Variants in THRB observed in about 807,000 individuals in gnomAD.
THRB encodes nuclear receptor subfamily 1 group A member 2.
A neutral mutation model predicts 47.8 loss-of-function variants in THRB; 12 were observed. The observed-to-expected ratio is 0.25, with a 90% CI of 0.16 to 0.41. The LOEUF (loss-of-function observed/expected upper bound fraction) is 0.41, where lower values mean the gene tolerates loss of function less well. Among genes scored for constraint, THRB ranks in the 10% least tolerant of loss-of-function variants. The probability of loss-of-function intolerance (pLI) is 1.00; values close to 1 mark genes in which losing one functional copy is unlikely to be tolerated. For missense variants in THRB, 348 were observed against 589.2 expected, an observed-to-expected ratio of 0.59 and a Z score of 4.24; for synonymous variants, 218 against 212.2, an observed-to-expected ratio of 1.03 and a Z score of -0.24.
At chr3:24,383,218 G>GACAAACAA (rs57022667) in intron 1 of THRB, among the ~76,000 whole-genome samples, 172 of 151,962 alleles carry the variant, frequency 1.1e-3, no homozygotes, top group African/African-American at 4.1e-3. Flanking sequence ...CGGCTCAGAA[G>GACAAACAA]ACAAACAAAC....
At position 24,248,053 on chromosome 3, in the gene THRB, T is replaced by C. The variant is rs373453188; in HGVS notation, c.-42-19052A>G. Among the ~76,000 whole-genome samples the C allele has an allele frequency of 1.1e-4, 16 of 152,256 alleles. No homozygotes were observed. In the East Asian group the frequency reaches 3.1e-3, roughly 29 times the overall value. On this transcript the variant is annotated intron_variant, in intron 3 of 10. Coordinates refer to ENST00000646209, the MANE Select transcript of THRB (RefSeq NM_001354712.2). ...TTAAGTGGCAGGAAAACCTTTCTTT[T>C]TGGATATGAGACATTTCTGAGTTCA...
At chr3:24,461,407 T>C (rs2125653529) in intron 1 of THRB, among the ~76,000 whole-genome samples, 1 of 152,346 alleles carries the variant, frequency 6.6e-6, no homozygotes, top group Non-Finnish European at 1.5e-5. Flanking sequence ...ATACTCTCAA[T>C]AAACAGTAGC....
chr3:24,335,002 T>C (rs993106038), intron 2 of THRB, among the ~76,000 whole-genome samples: 4 of 152,196 alleles, frequency 2.6e-5, no homozygotes, highest in African/African-American at 9.6e-5. Flanking sequence ...TGGAAATGGA[T>C]AGAGAAGCCC....
intron 1 of THRB, among the ~76,000 whole-genome samples, chr3:24,366,447 A>G (rs1474962008): frequency 6.6e-6 from 1 of 152,056 alleles, no homozygotes; most frequent in Admixed American, 6.6e-5. Flanking sequence ...ACGGCTGCTG[A>G]TTGCTCTCTT....
rs532726776 is a variant in THRB at position 24,412,845 on chromosome 3, G to C, written c.-260-75474C>G. Among the ~76,000 whole-genome samples, 3 of 151,816 alleles carry C rather than the reference G, an allele frequency of 2.0e-5. No individual in the cohort carries two copies. In the East Asian group the frequency reaches 5.9e-4, roughly 30 times the overall value. On this transcript the variant is annotated intron_variant, in intron 1 of 10. Coordinates refer to ENST00000646209, the MANE Select transcript of THRB (RefSeq NM_001354712.2). The stretch of plus-strand genomic sequence containing the variant: ...TATTTTTAAAAAGCATTAGCCAATA[G>C]ATAATTGGTCAGAGGACACAGAAAA...
intron 1 of THRB, among the ~76,000 whole-genome samples, chr3:24,425,904 G>A (rs990756490): frequency 6.6e-6 from 1 of 151,944 alleles, no homozygotes; most frequent in South Asian, 2.1e-4. Context: ...TATGAGAAAC[G>A]ATAAGTGTAA....
chr3:24,392,625 C>T (rs2066658390), intron 1 of THRB, among the ~76,000 whole-genome samples: 2 of 152,166 alleles, frequency 1.3e-5, no homozygotes, highest in Admixed American at 6.6e-5. Context: ...CCAAGTCCTA[C>T]ACTTCTCAAG....
At chr3:24,132,719 C>T (rs554456467) in intron 9 of THRB, among the ~76,000 whole-genome samples, 1 of 152,294 alleles carries the variant, frequency 6.6e-6, no homozygotes, top group South Asian at 2.1e-4. Context: ...ATGGGACAAG[C>T]AAGAGTGAGC....
chr3:24,203,648 G>A (rs536461459), intron 4 of THRB, among the ~76,000 whole-genome samples: 86 of 152,218 alleles, frequency 5.6e-4, no homozygotes, highest in African/African-American at 1.9e-3. Context: ...GGGGCTTTTC[G>A]GACAGTGGGT....
At position 24,118,814 on chromosome 3, in the gene THRB, A is replaced by C. The variant is rs1157643404; in HGVS notation, c.*4070T>G. 1.3e-5 allele frequency: 2 copies of C among 152,658 alleles called. No homozygotes were observed. Among genetic ancestry groups the C allele is most frequent in the African/African-American group, 4.8e-5 (2 of 41,450 alleles). 9.5% of individuals were successfully genotyped at this position (152,658 alleles called of 1,614,324 possible). ...TGGGTCAGCTTTAACTGTGCAACAG[A>C]AAGCCACAAACAGCGTTTTACCTGC... is the stretch of plus-strand genomic sequence containing the variant. On this transcript the variant is annotated 3_prime_UTR_variant, in exon 11 of 11. Coordinates refer to ENST00000646209, the MANE Select transcript of THRB (RefSeq NM_001354712.2).
chr3:24,453,735 G>A (rs139624743), intron 1 of THRB, among the ~76,000 whole-genome samples: 5 of 152,146 alleles, frequency 3.3e-5, no homozygotes, highest in African/African-American at 7.2e-5. Flanking sequence ...TATGTAAACC[G>A]GCCCCTTCCC....
chr3:24,363,881 T>C (rs938695862), intron 1 of THRB, among the ~76,000 whole-genome samples: 1 of 152,198 alleles, frequency 6.6e-6, no homozygotes, highest in African/African-American at 2.4e-5. Context: ...GTGGCAGTAT[T>C]CTTTCTCTAA....
chr3:24,474,609 G>A (rs1695175354), intron 1 of THRB, among the ~76,000 whole-genome samples: 2 of 152,104 alleles, frequency 1.3e-5, no homozygotes, highest in African/African-American at 4.8e-5. Flanking sequence ...TCCTATGTAA[G>A]GAAAACAAAA....
At chr3:24,471,748 T>C (rs1382000766) in intron 1 of THRB, among the ~76,000 whole-genome samples, 1 of 152,184 alleles carries the variant, frequency 6.6e-6, no homozygotes, top group Non-Finnish European at 1.5e-5. Context: ...CTCATGCATA[T>C]GGTTGTTCAA....
intron 1 of THRB, among the ~76,000 whole-genome samples, chr3:24,372,639 T>C (rs1394417402): frequency 6.6e-6 from 1 of 152,066 alleles, no homozygotes; most frequent in African/African-American, 2.4e-5. Flanking sequence ...CTCATTTCAG[T>C]CAATCCCATT....
At chr3:24,381,857 A>G (rs969018252) in intron 1 of THRB, among the ~76,000 whole-genome samples, 1 of 152,164 alleles carries the variant, frequency 6.6e-6, no homozygotes, top group African/African-American at 2.4e-5. Flanking sequence ...AAAGTCAAGT[A>G]TGATTTACAG....
intron 5 of THRB, among the ~76,000 whole-genome samples, chr3:24,152,960 CA>C (rs746418494): frequency 6.6e-4 from 57 of 86,918 alleles, no homozygotes; most frequent in Non-Finnish European, 1.1e-3. Context: ...GAAATTCTGC[CA>C]AAAAAAAAAA....
At chr3:24,434,621 G>A (rs1277259351) in intron 1 of THRB, among the ~76,000 whole-genome samples, 1 of 152,192 alleles carries the variant, frequency 6.6e-6, no homozygotes, top group Non-Finnish European at 1.5e-5. Flanking sequence ...TTGTGATAGA[G>A]ACTCAGACAG....
intron 2 of THRB, among the ~76,000 whole-genome samples, chr3:24,302,494 T>C (rs1243440696): frequency 2.6e-5 from 4 of 152,228 alleles, no homozygotes; most frequent in Non-Finnish European, 5.9e-5. Flanking sequence ...GTATACCACA[T>C]ACAACCGTGT....
Sources: gnomAD v4.1 joint callset for allele counts (sites outside exome capture counted in the v4.1 genomes callset) on GRCh38, gnomAD v4.1.1 for gene constraint, MANE v1.5 for transcripts, NCBI Gene and HGNC (gene_info 2026-07-23, HGNC 2026-07-21) for gene names.